SLC12A3: variants seen among roughly 807,000 people sequenced by gnomAD.
SLC12A3 encodes solute carrier family 12 member 3.
Under a neutral mutation model 121.0 loss-of-function variants are expected in SLC12A3, and 104 were observed. The ratio of observed to expected loss-of-function variants is 0.86; its 90% CI spans 0.73 to 1.01. SLC12A3 has a LOEUF of 1.01. SLC12A3 is among the 50% of genes least tolerant of loss of function. SLC12A3 has a pLI of 0.00. For synonymous variants in SLC12A3, 536 were observed against 533.4 expected (o/e 1.00, Z -0.07); for missense variants, 1,328 against 1,356.3 (o/e 0.98, Z 0.33).
At chr16:56,877,218 C>T (rs1393585016) in intron 8 of SLC12A3, among the ~76,000 whole-genome samples, 2 of 151,974 alleles carry the variant, frequency 1.3e-5, no homozygotes, top group East Asian at 1.9e-4. Context: ...ATGGTGAAAC[C>T]CCGTCTCTAC....
At chr16:56,911,033 T>A (rs1186847473) in intron 25 of SLC12A3, among the ~76,000 whole-genome samples, 1 of 152,188 alleles carries the variant, frequency 6.6e-6, no homozygotes, top group African/African-American at 2.4e-5. Context: ...TGCTGAAGCT[T>A]GAAAGTCTGA....
intron 13 of SLC12A3, 64 bp downstream of exon 13, chr16:56,882,561 G>A: frequency 8.0e-7 from 1 of 1,252,822 alleles, no homozygotes; most frequent in African/African-American, 1.5e-5. Context: ...CTGGGGCATG[G>A]GGTGGGAGTG....
At chr16:56,892,269 T>A in intron 20 of SLC12A3, 136 bp downstream of exon 20, 1 of 766,370 alleles carries the variant, frequency 1.3e-6, no homozygotes, top group Non-Finnish European at 2.3e-6. Flanking sequence ...GTGACGGTGG[T>A]GCCTGAGTAA....
intron 10 of SLC12A3, 58 bp from the exon 11 acceptor site, chr16:56,879,484 G>T: frequency 7.0e-7 from 1 of 1,425,576 alleles, no homozygotes; most frequent in East Asian, 2.3e-5. Context: ...AAGTGCCACA[G>T]ATGGGGGCTC....
At position 56,868,283 on chromosome 16, in the gene SLC12A3, C is replaced by T; in HGVS notation, c.430-14C>T. On this transcript the variant is annotated splice_polypyrimidine_tract_variant and intron_variant, in intron 2 of 25. Transcript: ENST00000563236. ...TGTCCACCCAGGTGGCCTCTGACCC[C>T]CCTGTCCTCCCAGATTCGTTGCATG... 6.2e-7 allele frequency: 1 copy of T among 1,613,602 alleles called. No individual in the cohort carries two copies. The highest frequency in any genetic ancestry group is 8.5e-7 in the Non-Finnish European group (1 of 1,179,774).
Position 56,899,630 on chromosome 16 carries a change from T to A in SLC12A3, c.2720+14T>A, listed in dbSNP as rs763577069. ...TCGGGCTGAGCAGTAAGTTCTGTTT[T>A]GGGGCTTCCAGGCAGAAGGGCCAAC... On this transcript the variant is annotated intron_variant, in intron 23 of 25. Coordinates refer to ENST00000563236, the MANE Select transcript of SLC12A3 (RefSeq NM_001126108.2). 1 of 1,604,968 alleles carries A rather than the reference T, an allele frequency of 6.2e-7. No homozygotes were observed. The highest frequency in any genetic ancestry group is 8.5e-7 in the Non-Finnish European group (1 of 1,171,582).
Position 56,868,355 on chromosome 16 carries a change from C to T in SLC12A3, c.488C>T (p.Thr163Met), listed in dbSNP as rs267607050. The T allele has an allele frequency of 9.9e-6, 16 of 1,613,094 alleles. No homozygotes were observed. The East Asian group carries it at 2.0e-4, about 20-fold the overall frequency. ...CTCTACCTGCGGCTGCCCTGGATTA[C>T]GGCCCAGGCAGGCATCGGTGAGTGC... is the stretch of plus-strand genomic sequence containing the variant. ...VILYLRLPWI[T>M]AQAGIVLTWI... is the part of the protein sequence containing the mutation. Residue 163 changes from threonine to methionine, a missense_variant, in exon 3 of 26, where the codon ACG (threonine) becomes ATG (methionine). Transcript: ENST00000563236.
At chr16:56,879,705 C>T in intron 11 of SLC12A3, 56 bp downstream of exon 11, 2 of 1,304,682 alleles carry the variant, frequency 1.5e-6, no homozygotes, top group South Asian at 1.2e-5. Flanking sequence ...GGGCTAGAGG[C>T]ACAATAGGGC....
chr16:56,870,501 T>A (rs1441210752), intron 5 of SLC12A3, 125 bp from the exon 6 acceptor site: 31 of 784,996 alleles, frequency 3.9e-5, no homozygotes, highest in Non-Finnish European at 6.4e-5. Context: ...ATGGCAGGGG[T>A]GGTGCTTGAG....
intron 21 of SLC12A3, 67 bp downstream of exon 21, chr16:56,893,121 TCTC>T: frequency 6.1e-6 from 8 of 1,313,368 alleles, no homozygotes; most frequent in South Asian, 1.3e-5. Flanking sequence ...CTTCCTTCCT[TCTC>T]CTTCCTGGCC....
rs183069805 is a variant in SLC12A3, at chr16:56,874,031, G to A, written c.1095+1245G>A. On this transcript the variant is annotated intron_variant, in intron 8 of 25. Transcript: ENST00000563236. ...CTGGCCTGTTTCTCTTTCAAATACCGCCTTCAACTATCATCTCTCCCAGCC... is the reference window on the plus strand; with the variant it reads ...CTGGCCTGTTTCTCTTTCAAATACCACCTTCAACTATCATCTCTCCCAGCC... 8.0e-4 allele frequency among the ~76,000 whole-genome samples: 122 copies of A among 152,194 alleles called. 4 individuals are homozygous for A. The highest frequency in any genetic ancestry group is 7.8e-3 in the Admixed American group (119 of 15,282).
At chr16:56,882,116 C>T (rs958553342) in intron 12 of SLC12A3, among the ~76,000 whole-genome samples, 11 of 152,084 alleles carry the variant, frequency 7.2e-5, no homozygotes, top group African/African-American at 2.7e-4. Flanking sequence ...CAGCCACTAC[C>T]CTTGGTCATC....
chr16:56,907,842 A>C (rs2055627606), intron 25 of SLC12A3, among the ~76,000 whole-genome samples: 1 of 152,194 alleles, frequency 6.6e-6, no homozygotes, highest in Non-Finnish European at 1.5e-5. Context: ...CAACGTGTGA[A>C]TTTTGGGGGG....
At position 56,880,098 on chromosome 16, in the gene SLC12A3, C is replaced by T. The variant is rs1192372598; in HGVS notation, c.1444-32C>T. The T allele has an allele frequency of 2.5e-6, 4 of 1,597,530 alleles. No individual in the cohort carries two copies. The East Asian group carries it at 9.0e-5, about 36-fold the overall frequency. On this transcript the variant is annotated intron_variant, in intron 11 of 25. Coordinates refer to ENST00000563236, the MANE Select transcript of SLC12A3 (RefSeq NM_001126108.2). Reference sequence around the variant, plus strand: ...GGGGAGGGGAAGTGGCAGGTCCCAGCCTAAGGGTGAGTGCGGCATCTGGTG... The same window carrying T: ...GGGGAGGGGAAGTGGCAGGTCCCAGTCTAAGGGTGAGTGCGGCATCTGGTG...
Position 56,886,393 on chromosome 16 carries a change from C to T in SLC12A3, c.1955C>T (p.Pro652Leu). ...CAGTGCCTGGTGCTCACGGGGCCCC[C>T]CAACTTCCGCCCGGCCCTGGTGGAC... ...RPQCLVLTGP[P>L]NFRPALVDFV... Residue 652 changes from proline to leucine, a missense_variant, in exon 16 of 26, where the codon CCC becomes CTC. Transcript: ENST00000563236. 1 of 1,614,140 alleles carries T rather than the reference C, an allele frequency of 6.2e-7. No homozygotes were observed. Among genetic ancestry groups the T allele is most frequent in the Non-Finnish European group, 8.5e-7 (1 of 1,180,028 alleles).
intron 6 of SLC12A3, 137 bp downstream of exon 6, chr16:56,870,873 T>C (rs535293042): frequency 1.1e-5 from 7 of 610,702 alleles, no homozygotes; most frequent in Non-Finnish European, 2.0e-5. Context: ...TCTCGCTCGA[T>C]GTCCATGCTG....
intron 8 of SLC12A3, 147 bp from the exon 9 acceptor site, chr16:56,877,930 G>A (rs1053011863): frequency 9.8e-6 from 6 of 610,916 alleles, no homozygotes; most frequent in Non-Finnish European, 1.8e-5. Flanking sequence ...GGCTCTGAGG[G>A]GCCAAGGTCA....
At chr16:56,883,153 T>G (rs2055263354) in intron 13 of SLC12A3, among the ~76,000 whole-genome samples, 1 of 152,148 alleles carries the variant, frequency 6.6e-6, no homozygotes, top group African/African-American at 2.4e-5. Flanking sequence ...CAGACAGTGC[T>G]GCAGGTTGCA....
intron 6 of SLC12A3, among the ~76,000 whole-genome samples, chr16:56,871,477 C>G (rs2055096686): frequency 6.6e-6 from 1 of 152,328 alleles, no homozygotes. Flanking sequence ...GCCCTACAGG[C>G]AGGGCAGGAC....
Sources: gnomAD v4.1 joint callset for allele counts (sites outside exome capture counted in the v4.1 genomes callset) on GRCh38, gnomAD v4.1.1 for gene constraint, MANE v1.5 for transcripts, NCBI Gene and HGNC (gene_info 2026-07-23, HGNC 2026-07-21) for gene names.